Variants in PITPNC1 observed in about 807,000 individuals in gnomAD.
PITPNC1 encodes phosphatidylinositol transfer protein cytoplasmic 1, also known as cytoplasmic phosphatidylinositol transfer protein 1.
A neutral mutation model predicts 44.7 loss-of-function variants in PITPNC1; 18 were observed. The observed-to-expected ratio is 0.40, with a 90% CI of 0.28 to 0.60. The LOEUF (loss-of-function observed/expected upper bound fraction) is 0.60, where lower values mean the gene tolerates loss of function less well. Ranked by LOEUF, PITPNC1 falls within the 20% of genes least tolerant of loss-of-function variation. The pLI is 0.39. For missense variants in PITPNC1, 290 were observed against 418.4 expected (o/e 0.69, Z 2.68); for synonymous variants, 141 against 149.6 (o/e 0.94, Z 0.42).
At chr17:67,619,343 A>G (rs1295304442) in intron 5 of PITPNC1, among the ~76,000 whole-genome samples, 1 of 152,178 alleles carries the variant, frequency 6.6e-6, no homozygotes, top group Non-Finnish European at 1.5e-5. Context: ...AGAGAGAAAT[A>G]TTATTCAGTG....
rs1488747033 is a variant in PITPNC1, at chr17:67,695,190, C to T, written c.*2302C>T. 1.3e-5 allele frequency: 2 copies of T among 152,076 alleles called. No homozygotes were observed. The highest frequency in any genetic ancestry group is 1.9e-4 in the East Asian group (1 of 5,190). The allele number at this position is 152,076 out of a possible 1,614,324, so 9.4% of individuals were successfully genotyped here. ...GTGTGATTCTTAGCCGAAAAAAAAG[C>T]GTGTGCTCTTAAAGTATGTTCAGTT... On this transcript the variant is annotated 3_prime_UTR_variant, in exon 9 of 9. Coordinates refer to ENST00000581322, the MANE Select transcript of PITPNC1 (RefSeq NM_012417.4).
intron 8 of PITPNC1, among the ~76,000 whole-genome samples, chr17:67,682,672 C>T (rs1274926860): frequency 6.6e-6 from 1 of 152,168 alleles, no homozygotes; most frequent in Non-Finnish European, 1.5e-5. Context: ...GATGCACTTT[C>T]TTTATCAGAA....
intron 6 of PITPNC1, among the ~76,000 whole-genome samples, chr17:67,647,860 C>T (rs2042169885): frequency 6.6e-6 from 1 of 152,086 alleles, no homozygotes; most frequent in Non-Finnish European, 1.5e-5. Context: ...TCTGAGGACC[C>T]CACAAGGTGC....
chr17:67,384,437 T>TTC (rs1240420619), intron 1 of PITPNC1, among the ~76,000 whole-genome samples: 1 of 151,618 alleles, frequency 6.6e-6, no homozygotes, highest in Non-Finnish European at 1.5e-5. Flanking sequence ...TCTTTTTTTT[T>TTC]TTTTTTGAGA....
At chr17:67,470,745 C>T (rs1598711135) in intron 1 of PITPNC1, among the ~76,000 whole-genome samples, 2 of 151,972 alleles carry the variant, frequency 1.3e-5, no homozygotes, top group East Asian at 1.9e-4. Context: ...ACAATGGCGG[C>T]TTTGTGGAAT....
At chr17:67,442,208 T>C (rs948459912) in intron 1 of PITPNC1, among the ~76,000 whole-genome samples, 19 of 50,844 alleles carry the variant, frequency 3.7e-4, no homozygotes, top group Non-Finnish European at 5.4e-4. Flanking sequence ...AATAAGCATA[T>C]ATATATATAT....
At chr17:67,442,667 AC>A (rs1478295290) in intron 1 of PITPNC1, among the ~76,000 whole-genome samples, 2 of 151,532 alleles carry the variant, frequency 1.3e-5, no homozygotes, top group Non-Finnish European at 2.9e-5. Context: ...ACGTGGCAAA[AC>A]CCTGTCTCTA....
intron 5 of PITPNC1, among the ~76,000 whole-genome samples, chr17:67,579,105 A>AC (rs1194058021): frequency 8.5e-5 from 13 of 152,356 alleles, no homozygotes; most frequent in Middle Eastern, 3.4e-3. Flanking sequence ...ATCAGGGGGT[A>AC]CCCCCACAAA....
At chr17:67,536,288 G>T (rs1297092026) in intron 2 of PITPNC1, among the ~76,000 whole-genome samples, 1 of 152,092 alleles carries the variant, frequency 6.6e-6, no homozygotes, top group Admixed American at 6.6e-5. Context: ...CTTTTTTTGA[G>T]ACAGCCAGCT....
intron 6 of PITPNC1, among the ~76,000 whole-genome samples, chr17:67,654,767 G>C (rs1357731593): frequency 6.6e-6 from 1 of 152,090 alleles, no homozygotes; most frequent in Non-Finnish European, 1.5e-5. Context: ...CGAGTAGCTG[G>C]GACAACAGGA....
intron 5 of PITPNC1, among the ~76,000 whole-genome samples, chr17:67,622,365 G>A (rs1442445486): frequency 6.7e-6 from 1 of 148,592 alleles, no homozygotes; most frequent in African/African-American, 2.6e-5. Context: ...AATACTCTTG[G>A]GTTGGATTGT....
chr17:67,670,750 CA>C (rs61094990), intron 7 of PITPNC1, among the ~76,000 whole-genome samples: 153 of 60,510 alleles, frequency 2.5e-3, no homozygotes, highest in East Asian at 0.011. Context: ...GACTCCATCT[CA>C]AAAAAAAAAA....
At chr17:67,543,067 A>G (rs1380461318) in intron 2 of PITPNC1, among the ~76,000 whole-genome samples, 1 of 152,242 alleles carries the variant, frequency 6.6e-6, no homozygotes, top group Non-Finnish European at 1.5e-5. Flanking sequence ...GTTGCCAGCA[A>G]GAGAAACTGA....
At position 67,693,414 on chromosome 17, in the gene PITPNC1, C is replaced by T. The variant is rs1158786400; in HGVS notation, c.*526C>T. On this transcript the variant is annotated 3_prime_UTR_variant, in exon 9 of 9. Coordinates refer to ENST00000581322, the MANE Select transcript of PITPNC1 (RefSeq NM_012417.4). ...GACTCAGGATTTGGAGCCTAATTAA[C>T]TCTAAACTTTTGAAAATTTTAATCA... The T allele has an allele frequency of 6.5e-6, 1 of 152,724 alleles. No homozygotes were observed. The highest frequency in any genetic ancestry group is 1.5e-5 in the Non-Finnish European group (1 of 68,106). The allele number at this position is 152,724 out of a possible 1,614,324, so 9.5% of individuals were successfully genotyped here.
chr17:67,596,143 A>T (rs1012223548), intron 5 of PITPNC1, among the ~76,000 whole-genome samples: 27 of 152,216 alleles, frequency 1.8e-4, no homozygotes, highest in African/African-American at 6.3e-4. Flanking sequence ...AGAGTAAATT[A>T]TTGAAATGAA....
At chr17:67,536,211 C>G (rs943945719) in intron 2 of PITPNC1, among the ~76,000 whole-genome samples, 3 of 152,112 alleles carry the variant, frequency 2.0e-5, no homozygotes, top group Non-Finnish European at 4.4e-5. Flanking sequence ...GTAAAAAGCA[C>G]TTTAAGGTGC....
chr17:67,425,193 G>GCGCGCGCGCGCGCGCGCGCGCA lies in PITPNC1; in HGVS notation c.48+46992_48+46993insGCGCGCGCGCGCGCGCGCGCAC, dbSNP rs1160522771. Among the ~76,000 whole-genome samples the GCGCGCGCGCGCGCGCGCGCGCA allele has an allele frequency of 5.8e-5, 3 of 52,116 alleles. 1 individual carries two copies. The highest frequency in any genetic ancestry group is 1.0e-4 in the African/African-American group (1 of 9,762). The allele number at this position is 52,116 out of a possible 152,430, so 34.2% of individuals were successfully genotyped here. On this transcript the variant is annotated intron_variant, in intron 1 of 8. Coordinates refer to ENST00000581322, the MANE Select transcript of PITPNC1 (RefSeq NM_012417.4). ...AAATAAACAGCCATGTTGTGCGCGC[G>GCGCGCGCGCGCGCGCGCGCGCA]CACGCACACGCACACACACACACAC...
At chr17:67,492,885 G>A (rs910219793) in intron 1 of PITPNC1, among the ~76,000 whole-genome samples, 1 of 152,114 alleles carries the variant, frequency 6.6e-6, no homozygotes, top group Non-Finnish European at 1.5e-5. Flanking sequence ...AATATACCAC[G>A]ATTTATTTAC....
intron 1 of PITPNC1, among the ~76,000 whole-genome samples, chr17:67,396,183 A>G (rs1567974052): frequency 1.3e-5 from 2 of 152,170 alleles, no homozygotes; most frequent in Admixed American, 6.5e-5. Flanking sequence ...TAATTAGGCT[A>G]TTAGAGGTCC....
Sources: allele counts gnomAD v4.1 joint callset (sites outside exome capture counted in the v4.1 genomes callset), GRCh38; gene constraint gnomAD v4.1.1; transcripts MANE v1.5; gene names NCBI Gene and HGNC (gene_info 2026-07-23, HGNC 2026-07-21).